Variants in STXBP5L observed in about 807,000 individuals in gnomAD.
The protein encoded by STXBP5L is syntaxin binding protein 5L.
Under a neutral mutation model 144.5 loss-of-function variants are expected in STXBP5L, and 65 were observed. The observed-to-expected ratio is 0.45, with a 90% CI of 0.37 to 0.55. The LOEUF is 0.55. Among genes scored for constraint, STXBP5L ranks in the 20% least tolerant of loss-of-function variants. The pLI is 0.00. For missense variants in STXBP5L, 1,298 were observed against 1,405.5 expected, an observed-to-expected ratio of 0.92 and a Z score of 1.22; for synonymous variants, 505 against 469.6, an observed-to-expected ratio of 1.08 and a Z score of -0.97.
At chr3:121,090,498 G>A (rs926572817) in intron 5 of STXBP5L, among the ~76,000 whole-genome samples, 1 of 152,078 alleles carries the variant, frequency 6.6e-6, no homozygotes, top group South Asian at 2.1e-4. Context: ...TATTTCTGTT[G>A]TTCAGGAGCA....
intron 5 of STXBP5L, among the ~76,000 whole-genome samples, chr3:121,073,947 C>T (rs567535542): frequency 1.3e-5 from 2 of 152,160 alleles, no homozygotes; most frequent in Admixed American, 6.5e-5. Flanking sequence ...GTGCCTTTTT[C>T]CTTAGACACC....
chr3:121,265,396 A>G (rs339003), intron 18 of STXBP5L, among the ~76,000 whole-genome samples: 95,017 of 151,954 alleles, frequency 0.63, 29,905 homozygotes, highest in East Asian at 0.8. Context: ...TGAAATTAAC[A>G]CAGAAATAAA....
At chr3:120,980,789 G>A (rs550516716) in intron 3 of STXBP5L, among the ~76,000 whole-genome samples, 1 of 152,058 alleles carries the variant, frequency 6.6e-6, no homozygotes, top group African/African-American at 2.4e-5. Context: ...TTGTGTAATT[G>A]TTTTATAAGT....
In STXBP5L at chr3:121,207,755, G is replaced by C. The variant is rs574755392; in HGVS notation, c.956+1754G>C. Among the ~76,000 whole-genome samples, 369 of 152,306 alleles carry C rather than the reference G, an allele frequency of 2.4e-3. 5 individuals carry two copies. Among genetic ancestry groups the C allele is most frequent in the African/African-American group, 8.6e-3 (356 of 41,574 alleles). On this transcript the variant is annotated intron_variant, in intron 10 of 26. Transcript: ENST00000471454. ...AAATGCTCATCATCACTGGCCATCA[G>C]AGAAATGCAAATCAAAACCACAGTG...
intron 19 of STXBP5L, chr3:121,282,221 T>A (rs750118938): frequency 6.3e-7 from 1 of 1,590,760 alleles, no homozygotes; most frequent in Non-Finnish European, 8.6e-7. Flanking sequence ...TTTTTTCTCT[T>A]TCTTCTGCCT....
chr3:121,384,053 G>A (rs1337600686), intron 22 of STXBP5L, among the ~76,000 whole-genome samples: 2 of 152,144 alleles, frequency 1.3e-5, no homozygotes, highest in East Asian at 3.9e-4. Context: ...AAATTCATGA[G>A]TCAAATAGTT....
At chr3:121,378,673 A>G (rs1576321020) in intron 20 of STXBP5L, 43 bp from the exon 21 acceptor site, 1 of 1,592,878 alleles carries the variant, frequency 6.3e-7, no homozygotes, top group East Asian at 2.2e-5. Context: ...TTGTATTAAG[A>G]GTTAATCATT....
At chr3:121,211,578 CTTTTTTTTTTTT>C (rs1188424283) in intron 10 of STXBP5L, among the ~76,000 whole-genome samples, 1 of 110,260 alleles carries the variant, frequency 9.1e-6, no homozygotes, top group Non-Finnish European at 1.7e-5. Flanking sequence ...TTTTTTCTTT[CTTTTTTTTTTTT>C]TTTTTTTGAG....
At chr3:121,042,346 G>C (rs534603223) in intron 4 of STXBP5L, among the ~76,000 whole-genome samples, 89 of 152,166 alleles carry the variant, frequency 5.8e-4, no homozygotes, top group Non-Finnish European at 7.2e-4. Flanking sequence ...AACAAAATAT[G>C]TATTTATGAA....
At position 121,157,564 on chromosome 3, in the gene STXBP5L, G is replaced by A; in HGVS notation, c.814G>A (p.Gly272Ser). The change falls in exon 9 of 27, where the codon GGT becomes AGT. Residue 272 changes from glycine (G) to serine (S), a missense_variant. Coordinates refer to ENST00000471454, the MANE Select transcript of STXBP5L (RefSeq NM_001308330.2). Reference sequence around the variant, plus strand: ...ACAGTTCATGTGCAGCCATTCAGATGGTAGTTTGACTTTATGGAACCTGAA... The same window carrying A: ...ACAGTTCATGTGCAGCCATTCAGATAGTAGTTTGACTTTATGGAACCTGAA... Reference protein sequence around the residue: ...GKQFMCSHSDGSLTLWNLKSP... With the variant: ...GKQFMCSHSDSSLTLWNLKSP... 6.2e-7 allele frequency: 1 copy of A among 1,605,804 alleles called. No homozygotes were observed.
intron 3 of STXBP5L, among the ~76,000 whole-genome samples, chr3:120,966,117 T>G (rs1434351755): frequency 6.6e-6 from 1 of 152,226 alleles, no homozygotes; most frequent in African/African-American, 2.4e-5. Context: ...GTGCCATGGT[T>G]TTCAGCTCCA....
At chr3:121,321,171 C>T (rs1179373821) in intron 20 of STXBP5L, among the ~76,000 whole-genome samples, 1 of 152,092 alleles carries the variant, frequency 6.6e-6, no homozygotes, top group Admixed American at 6.5e-5. Context: ...TACTGGTCTA[C>T]TAGACAGGTC....
chr3:121,340,586 G>C (rs751230253), intron 20 of STXBP5L, among the ~76,000 whole-genome samples: 28 of 151,728 alleles, frequency 1.8e-4, no homozygotes, highest in Non-Finnish European at 4.0e-4. Context: ...GTGGTGTTTG[G>C]TGTTCTGCCC....
intron 5 of STXBP5L, among the ~76,000 whole-genome samples, chr3:121,058,339 T>G (rs1028694843): frequency 6.6e-6 from 1 of 152,252 alleles, no homozygotes; most frequent in African/African-American, 2.4e-5. Flanking sequence ...GAGTCCATGG[T>G]GTACATGTGC....
intron 9 of STXBP5L, among the ~76,000 whole-genome samples, chr3:121,202,010 C>T (rs1464221311): frequency 6.6e-6 from 1 of 152,172 alleles, no homozygotes; most frequent in Non-Finnish European, 1.5e-5. Context: ...CCTACCTTGG[C>T]CTCCCAAATT....
At chr3:121,002,940 T>C (rs1943916450) in intron 3 of STXBP5L, among the ~76,000 whole-genome samples, 1 of 152,234 alleles carries the variant, frequency 6.6e-6, no homozygotes, top group Non-Finnish European at 1.5e-5. Context: ...AACATTTTCT[T>C]GATCCAGTCT....
chr3:121,148,770 T>C (rs1019877590), intron 7 of STXBP5L, among the ~76,000 whole-genome samples: 2 of 152,066 alleles, frequency 1.3e-5, no homozygotes, highest in African/African-American at 2.4e-5. Flanking sequence ...CAATATACAT[T>C]TAACAGAAAT....
chr3:121,317,980 C>G (rs1344850056), intron 19 of STXBP5L, among the ~76,000 whole-genome samples: 1 of 151,644 alleles, frequency 6.6e-6, no homozygotes, highest in African/African-American at 2.4e-5. Flanking sequence ...TTGTTAAAAC[C>G]CCTTCTAATT....
intron 22 of STXBP5L, among the ~76,000 whole-genome samples, chr3:121,393,967 C>A (rs964383282): frequency 6.6e-6 from 1 of 152,088 alleles, no homozygotes; most frequent in African/African-American, 2.4e-5. Flanking sequence ...GTGAAGAATG[C>A]TGTTGGCAAA....
Sources: gnomAD v4.1 joint callset for allele counts (sites outside exome capture counted in the v4.1 genomes callset) on GRCh38, gnomAD v4.1.1 for gene constraint, MANE v1.5 for transcripts, NCBI Gene and HGNC (gene_info 2026-07-23, HGNC 2026-07-21) for gene names.